The following ZC3H12B variants were observed in gnomAD, a reference collection of about 807,000 sequenced individuals.
ZC3H12B encodes the protein zinc finger CCCH-type containing 12B.
In ZC3H12B, 7 loss-of-function variants were observed where a neutral mutation model predicts 43.9. The ratio of observed to expected loss-of-function variants is 0.16; its 90% confidence interval spans 0.09 to 0.30. ZC3H12B has a LOEUF of 0.30. Ranked by LOEUF, ZC3H12B falls within the 10% of genes least tolerant of loss-of-function variation. The pLI is 1.00. For synonymous variants in ZC3H12B, 222 were observed against 241.7 expected, an observed-to-expected ratio of 0.92 and a Z score of 0.76; for missense variants, 475 against 670.2, an observed-to-expected ratio of 0.71 and a Z score of 3.22.
At chrX:65,262,495 T>C in the ZC3H12B span, among the ~76,000 whole-genome samples, 1 of 111,648 alleles carries the variant, frequency 9.0e-6, no homozygotes, top group Non-Finnish European at 1.9e-5. Flanking sequence ...TGGGTGATGT[T>C]GTGTAACTTG....
chrX:65,378,272 C>T (rs958826983), intron 2 of ZC3H12B, among the ~76,000 whole-genome samples: 3 of 111,216 alleles, frequency 2.7e-5, no homozygotes, highest in African/African-American at 6.5e-5. Flanking sequence ...GTCAAAGACA[C>T]TACAGTGAGA....
chrX:65,125,843 T>C, the ZC3H12B span, among the ~76,000 whole-genome samples: 1 of 111,422 alleles, frequency 9.0e-6, no homozygotes, highest in Non-Finnish European at 1.9e-5. Flanking sequence ...CCCCTTTATC[T>C]TAAGTTTATG....
intron 2 of ZC3H12B, among the ~76,000 whole-genome samples, chrX:65,377,115 T>C (rs1025075559): frequency 9.2e-6 from 1 of 108,981 alleles, no homozygotes; most frequent in Non-Finnish European, 1.9e-5. Flanking sequence ...AAAAATGCAA[T>C]TGGCATACCG....
At chrX:65,099,860 T>C in the ZC3H12B span, among the ~76,000 whole-genome samples, 2 of 111,099 alleles carry the variant, frequency 1.8e-5, no homozygotes, top group African/African-American at 3.3e-5. Context: ...CCAGCAAGGG[T>C]GCAAACTGGA....
chrX:65,415,866 C>T (rs2066954369), intron 3 of ZC3H12B, among the ~76,000 whole-genome samples: 1 of 112,064 alleles, frequency 8.9e-6, no homozygotes. Context: ...TTTCAGTTAT[C>T]ATTATTACTG....
the ZC3H12B span, among the ~76,000 whole-genome samples, chrX:65,212,220 A>G: frequency 8.3e-5 from 4 of 48,077 alleles, no homozygotes; most frequent in Non-Finnish European, 1.3e-4. Flanking sequence ...AATATATTAT[A>G]TATTATATTA....
the ZC3H12B span, among the ~76,000 whole-genome samples, chrX:65,152,781 C>G: frequency 5.4e-5 from 6 of 111,770 alleles, no homozygotes; most frequent in Non-Finnish European, 7.5e-5. Context: ...CCAAGTCAAT[C>G]CTAAGCCAAA....
intron 3 of ZC3H12B, among the ~76,000 whole-genome samples, chrX:65,449,816 C>T (rs762490843): frequency 3.6e-5 from 4 of 110,212 alleles, no homozygotes; most frequent in Non-Finnish European, 7.6e-5. Flanking sequence ...TACACAAAGG[C>T]ATATGGAGTG....
the ZC3H12B span, among the ~76,000 whole-genome samples, chrX:65,223,285 T>C: frequency 2.8e-5 from 3 of 108,793 alleles, no homozygotes; most frequent in South Asian, 1.2e-3. Flanking sequence ...GCCTATGTGA[T>C]AGAGGGAGAC....
the ZC3H12B span, among the ~76,000 whole-genome samples, chrX:65,356,062 A>G: frequency 8.9e-6 from 1 of 112,297 alleles, no homozygotes; most frequent in Admixed American, 9.5e-5. Context: ...TTTTTTCTCC[A>G]TAGCTCCCCT....
intron 3 of ZC3H12B, among the ~76,000 whole-genome samples, chrX:65,482,074 A>G (rs1041073535): frequency 6.2e-5 from 7 of 112,050 alleles, no homozygotes; most frequent in African/African-American, 2.3e-4. Context: ...TCTATTCCAT[A>G]CATTTAACAA....
exon 5 of ZC3H12B, chrX:65,507,405 G>GT (rs1221953498): frequency 8.9e-6 from 1 of 112,366 alleles, no homozygotes; most frequent in Non-Finnish European, 1.9e-5. Flanking sequence ...ACAAACAAGT[G>GT]TATTTCTGGA....
the ZC3H12B span, among the ~76,000 whole-genome samples, chrX:65,096,477 C>G: frequency 8.9e-6 from 1 of 111,881 alleles, no homozygotes; most frequent in Non-Finnish European, 1.9e-5. Flanking sequence ...CATGGAAATT[C>G]TAAGAATCAA....
At chrX:65,167,415 C>A in the ZC3H12B span, among the ~76,000 whole-genome samples, 1 of 111,384 alleles carries the variant, frequency 9.0e-6, no homozygotes, top group East Asian at 2.8e-4. Flanking sequence ...TCTGTTTTGG[C>A]ACCGGTACCA....
the ZC3H12B span, among the ~76,000 whole-genome samples, chrX:65,213,374 G>T: frequency 9.0e-6 from 1 of 110,859 alleles, no homozygotes; most frequent in African/African-American, 3.3e-5. Flanking sequence ...TATCTTATGT[G>T]TCCCAATACT....
At chrX:65,149,611 A>C in the ZC3H12B span, among the ~76,000 whole-genome samples, 1 of 108,344 alleles carries the variant, frequency 9.2e-6, no homozygotes, top group African/African-American at 3.4e-5. Context: ...AAATACAAAA[A>C]AAATTAACTG....
At chrX:65,352,447 C>A in the ZC3H12B span, among the ~76,000 whole-genome samples, 1 of 94,211 alleles carries the variant, frequency 1.1e-5, no homozygotes, top group African/African-American at 4.0e-5. Context: ...CACACGTATC[C>A]CAGAACTTAA....
chrX:65,248,011 G>A, the ZC3H12B span, among the ~76,000 whole-genome samples: 2 of 109,357 alleles, frequency 1.8e-5, no homozygotes, highest in Non-Finnish European at 3.8e-5. Flanking sequence ...TTGAAATTCT[G>A]TTTGGAAGAT....
chrX:65,502,247 C>T, exon 5 of ZC3H12B: 3 of 1,211,507 alleles, frequency 2.5e-6, no homozygotes, highest in Non-Finnish European at 3.4e-6. Context: ...GCAGTATCCT[C>T]CCATCTTGGT....
Sources: allele counts gnomAD v4.1 joint callset (sites outside exome capture counted in the v4.1 genomes callset), GRCh38; gene constraint gnomAD v4.1.1; transcripts MANE v1.5; gene names NCBI Gene and HGNC (gene_info 2026-07-23, HGNC 2026-07-21).